Variants in PGS1 observed in about 807,000 individuals in gnomAD.
PGS1 encodes CDP-diacylglycerol--glycerol-3-phosphate 3-phosphatidyltransferase, mitochondrial.
A neutral mutation model predicts 58.3 loss-of-function variants in PGS1; 44 were observed. That is an observed-to-expected ratio of 0.75 (90% CI 0.59 to 0.97). The LOEUF is 0.97. PGS1 is among the 50% of genes least tolerant of loss of function. PGS1 has a pLI of 0.00. For missense variants in PGS1, 684 were observed against 731.1 expected, an observed-to-expected ratio of 0.94 and a Z score of 0.74; for synonymous variants, 330 against 311.0, an observed-to-expected ratio of 1.06 and a Z score of -0.64.
chr17:78,399,141 A>G, intron 4 of PGS1: 1 of 589,898 alleles, frequency 1.7e-6, no homozygotes, highest in Non-Finnish European at 3.0e-6. Flanking sequence ...GGCGTCTGCC[A>G]CGCTGAGGAC....
chr17:78,409,517 G>A (rs973523656), intron 7 of PGS1, among the ~76,000 whole-genome samples: 1 of 152,242 alleles, frequency 6.6e-6, no homozygotes, highest in Admixed American at 6.5e-5. Context: ...CACACGTGAG[G>A]CGGCTCTCCC....
At chr17:78,387,534 G>C (rs1218890261) in intron 1 of PGS1, among the ~76,000 whole-genome samples, 1 of 151,408 alleles carries the variant, frequency 6.6e-6, no homozygotes, top group Non-Finnish European at 1.5e-5. Context: ...CCTGACCTCA[G>C]GTGATATGCC....
chr17:78,391,502 G>A (rs1031741614), intron 1 of PGS1, among the ~76,000 whole-genome samples: 2 of 152,034 alleles, frequency 1.3e-5, no homozygotes, highest in African/African-American at 4.8e-5. Flanking sequence ...TTTTGAGACA[G>A]AGTCTCGTTC....
chr17:78,406,094 A>G lies in PGS1; in HGVS notation c.1402+2005A>G, dbSNP rs548921049. ...CACTTTAGGAGGCTGAGGCAGGCAG[A>G]TCATGAGGTCAGGAGATCCAGACCA... On this transcript the variant is annotated intron_variant, in intron 7 of 9. Coordinates refer to ENST00000262764, the MANE Select transcript of PGS1 (RefSeq NM_024419.5). Among the ~76,000 whole-genome samples the G allele has an allele frequency of 4.2e-3, 639 of 152,298 alleles. 5 individuals carry two copies. Among genetic ancestry groups the G allele is most frequent in the Middle Eastern group, 0.01 (3 of 294 alleles).
chr17:78,398,475 C>A, intron 4 of PGS1, 124 bp downstream of exon 4: 1 of 702,272 alleles, frequency 1.4e-6, no homozygotes, highest in Non-Finnish European at 2.5e-6. Flanking sequence ...TCCAAGCTGG[C>A]CCAGGGCTGC....
Position 78,379,875 on chromosome 17 carries a change from C to T in PGS1, c.143+1067C>T, listed in dbSNP as rs865851633. 4.8e-5 allele frequency among the ~76,000 whole-genome samples: 7 copies of T among 146,850 alleles called. No homozygotes were observed. The South Asian group carries it at 1.5e-3, about 32-fold the overall frequency. ...TGTGCAAATAGTTTTCTTTTCTTTT[C>T]TTTTTTTTTTGAGACGGAGTTTCAC... On this transcript the variant is annotated intron_variant, in intron 1 of 9. Coordinates refer to ENST00000262764, the MANE Select transcript of PGS1 (RefSeq NM_024419.5).
chr17:78,399,299 G>A lies in PGS1; in HGVS notation c.512-49G>A, dbSNP rs560528774. The A allele has an allele frequency of 1.3e-5, 20 of 1,482,258 alleles. No homozygotes were observed. The South Asian group carries it at 2.2e-4, about 16-fold the overall frequency. 91.8% of individuals were successfully genotyped at this position (1,482,258 alleles called of 1,614,324 possible). ...GGAGGTGGCTCCTCATTGGGGGCAGGACGCCTTCCTGTTGTGAGTCAGGTG... is the reference window on the plus strand; with the variant it reads ...GGAGGTGGCTCCTCATTGGGGGCAGAACGCCTTCCTGTTGTGAGTCAGGTG... On this transcript the variant is annotated intron_variant, in intron 4 of 9. Coordinates refer to ENST00000262764, the MANE Select transcript of PGS1 (RefSeq NM_024419.5).
chr17:78,388,508 T>C (rs915333694), intron 1 of PGS1, among the ~76,000 whole-genome samples: 2 of 152,060 alleles, frequency 1.3e-5, no homozygotes, highest in Non-Finnish European at 1.5e-5. Flanking sequence ...TAATTTTTTT[T>C]TTTTATTTTT....
chr17:78,398,098 A>G (rs759126585), intron 3 of PGS1, 154 bp from the exon 4 acceptor site: 2 of 729,634 alleles, frequency 2.7e-6, no homozygotes, highest in Non-Finnish European at 5.0e-6. Flanking sequence ...TCTCAGACAG[A>G]TAGCTTTTGT....
At position 78,408,416 on chromosome 17, in the gene PGS1, G is replaced by A. The variant is rs533390506; in HGVS notation, c.1402+4327G>A. Among the ~76,000 whole-genome samples, 394 of 152,284 alleles carry A rather than the reference G, an allele frequency of 2.6e-3. 3 individuals carry two copies. The highest frequency in any genetic ancestry group is 5.8e-3 in the African/African-American group (240 of 41,560). ...TTAACCTCTTTCCTGTGCAGTCGGG[G>A]GGATGGCTCTAGATTGTCAGGAGGA... On this transcript the variant is annotated intron_variant, in intron 7 of 9. Coordinates refer to ENST00000262764, the MANE Select transcript of PGS1 (RefSeq NM_024419.5).
chr17:78,380,509 C>T (rs914568802), intron 1 of PGS1, among the ~76,000 whole-genome samples: 1 of 152,224 alleles, frequency 6.6e-6, no homozygotes, highest in Non-Finnish European at 1.5e-5. Context: ...CCCAGCAGGA[C>T]TGGGGCTGTA....
intron 1 of PGS1, among the ~76,000 whole-genome samples, chr17:78,384,599 G>A (rs529516027): frequency 2.6e-5 from 4 of 152,192 alleles, no homozygotes; most frequent in Middle Eastern, 3.4e-3. Context: ...TGTACCTTAC[G>A]GTTAAAGAAG....
chr17:78,410,290 A>T (rs146296285), intron 7 of PGS1, among the ~76,000 whole-genome samples: 4 of 149,126 alleles, frequency 2.7e-5, no homozygotes, highest in Non-Finnish European at 6.0e-5. Flanking sequence ...TTAGCTGGGC[A>T]TGGTTACAGC....
In PGS1 at chr17:78,399,486, G is replaced by C. The variant is rs1275383959; in HGVS notation, c.650G>C (p.Gly217Ala). The change falls in exon 5 of 10, where the codon GGC (glycine) becomes GCC (alanine). Residue 217 changes from glycine to alanine, a missense_variant. Transcript: ENST00000262764. ...LIPERFNETI[G>A]LQHIKVYLFD... ...CCTGAGCGCTTCAACGAGACCATCG[G>C]CCTCCAGCACATTAAGGTGTACCTC... 6.2e-7 allele frequency: 1 copy of C among 1,614,158 alleles called. No individual in the cohort carries two copies. The highest frequency in any genetic ancestry group is 1.1e-5 in the South Asian group (1 of 91,082).
chr17:78,385,916 C>T lies in PGS1; in HGVS notation c.144-6560C>T, dbSNP rs549587801. The stretch of plus-strand genomic sequence containing the variant: ...AGGCTTCCCTCTCCTTGCTTGGTGG[C>T]GGCCTCAGTCCTGGCTCGCCGCTTG... On this transcript the variant is annotated intron_variant, in intron 1 of 9. Transcript: ENST00000262764. Among the ~76,000 whole-genome samples, 38 of 152,306 alleles carry T rather than the reference C, an allele frequency of 2.5e-4. No homozygotes were observed. The South Asian group carries it at 6.2e-3, about 25-fold the overall frequency.
At chr17:78,419,149 A>G (rs2085468416) in intron 8 of PGS1, among the ~76,000 whole-genome samples, 1 of 152,080 alleles carries the variant, frequency 6.6e-6, no homozygotes, top group African/African-American at 2.4e-5. Context: ...CTGGGGCTAC[A>G]GGCACACACC....
At chr17:78,399,781 T>C (rs1432252753) in intron 5 of PGS1, among the ~76,000 whole-genome samples, 2 of 152,222 alleles carry the variant, frequency 1.3e-5, no homozygotes, top group African/African-American at 2.4e-5. Context: ...AGGTATGTTG[T>C]CTGTTTCCAC....
intron 9 of PGS1, 167 bp from the exon 10 acceptor site, chr17:78,423,894 G>GT: frequency 6.2e-7 from 1 of 1,613,638 alleles, no homozygotes; most frequent in Non-Finnish European, 8.5e-7. Flanking sequence ...TGGGCTGTGA[G>GT]GCAGGAGCGA....
chr17:78,399,493 G>A lies in PGS1; in HGVS notation c.657G>A (p.Gln219=), dbSNP rs747143437. 21 of 1,614,080 alleles carry A rather than the reference G, an allele frequency of 1.3e-5. No homozygotes were observed. Among genetic ancestry groups the A allele is most frequent in the Admixed American group, 1.7e-5 (1 of 60,018 alleles). Residue 219 remains glutamine, a synonymous_variant, in exon 5 of 10, where the codon CAG becomes CAA. Coordinates refer to ENST00000262764, the MANE Select transcript of PGS1 (RefSeq NM_024419.5). ...PERFNETIGL[Q]HIKVYLFDNS... is the part of the protein sequence containing the mutation. Reference sequence around the variant, plus strand: ...GCTTCAACGAGACCATCGGCCTCCAGCACATTAAGGTGTACCTCTTCGACA... The same window carrying A: ...GCTTCAACGAGACCATCGGCCTCCAACACATTAAGGTGTACCTCTTCGACA...
Sources: allele counts gnomAD v4.1 joint callset (sites outside exome capture counted in the v4.1 genomes callset), GRCh38; gene constraint gnomAD v4.1.1; transcripts MANE v1.5; gene names NCBI Gene and HGNC (gene_info 2026-07-23, HGNC 2026-07-21).